DBNL: variants seen among roughly 807,000 people sequenced by gnomAD.
DBNL encodes drebrin-like protein.
DBNL carries 35 observed loss-of-function variants against 62.2 expected under a neutral mutation model. The ratio of observed to expected loss-of-function variants is 0.56; its 90% CI spans 0.43 to 0.75. DBNL has a LOEUF of 0.75. DBNL is among the 30% of genes least tolerant of loss of function. The pLI is 0.00. For missense variants in DBNL, 495 were observed against 578.4 expected (o/e 0.86, Z 1.48); for synonymous variants, 197 against 218.0 (o/e 0.90, Z 0.85).
intron 4 of DBNL, among the ~76,000 whole-genome samples, chr7:44,054,166 T>G (rs2096131818): frequency 6.6e-6 from 1 of 152,126 alleles, no homozygotes; most frequent in African/African-American, 2.4e-5. Flanking sequence ...CATTCTTTTA[T>G]CAGAGTTTTT....
chr7:44,062,725 G>C lies in DBNL; in HGVS notation c.*1809G>C. On this transcript the variant is annotated 3_prime_UTR_variant, in exon 13 of 13. Transcript: ENST00000448521. Reference sequence around the variant, plus strand: ...CATGCACGGCTGCGCTGGACTCCAGGCTGTTGGGGGAGGTGCCTTTATTGC... The same window carrying C: ...CATGCACGGCTGCGCTGGACTCCAGCCTGTTGGGGGAGGTGCCTTTATTGC... 6.2e-7 allele frequency: 1 copy of C among 1,608,894 alleles called. No individual in the cohort carries two copies. Among genetic ancestry groups the C allele is most frequent in the Non-Finnish European group, 8.5e-7 (1 of 1,176,398 alleles).
chr7:44,058,623 A>G (rs897436084), intron 8 of DBNL, 143 bp downstream of exon 8: 25 of 1,162,556 alleles, frequency 2.2e-5, no homozygotes, highest in South Asian at 1.5e-4. Flanking sequence ...GCACCTCAAG[A>G]GGTGGCAGTA....
chr7:44,044,892 G>A (rs1226561081), intron 1 of DBNL, 72 bp downstream of exon 1: 3 of 1,324,404 alleles, frequency 2.3e-6, no homozygotes, highest in Non-Finnish European at 2.9e-6. Context: ...GCGAGCGGGG[G>A]ACTCGGGGGG....
rs367590440 is a variant in DBNL at position 44,051,933 on chromosome 7, C to T, written c.243C>T (p.Leu81=). The part of the protein sequence containing the change: ...DPNSGLPKFV[L]INWTGEGVND... Reference sequence around the variant, plus strand: ...ACTCTGGACTGCCCAAATTTGTCCTCATCAACTGGGTATGTGGAGCCTGTT... The same window carrying T: ...ACTCTGGACTGCCCAAATTTGTCCTTATCAACTGGGTATGTGGAGCCTGTT... Residue 81 remains leucine, a synonymous_variant, in exon 3 of 13, where the codon CTC becomes CTT. Coordinates refer to ENST00000448521, the MANE Select transcript of DBNL (RefSeq NM_001014436.3). 6.2e-7 allele frequency: 1 copy of T among 1,614,026 alleles called. No homozygotes were observed. Among genetic ancestry groups the T allele is most frequent in the African/African-American group, 1.3e-5 (1 of 74,934 alleles).
At position 44,060,162 on chromosome 7, in the gene DBNL, C is replaced by A. The variant is rs149938474; in HGVS notation, c.1153+9C>A. On this transcript the variant is annotated intron_variant, in intron 12 of 12. Transcript: ENST00000448521. The surrounding 1 kb of genome is among the most constrained non-coding windows in gnomAD (Gnocchi z 6.3). ...GTACGACTACCAGGCAGGTAAGGTG[C>A]CCTGGCCTGGCTGGCACAGACCACA... 1.5e-5 allele frequency: 24 copies of A among 1,605,662 alleles called. No individual in the cohort carries two copies. In the Admixed American group the frequency reaches 1.5e-4, roughly 10 times the overall value.
In DBNL at chr7:44,058,181, A is replaced by C. The variant is rs2096140198; in HGVS notation, c.605A>C (p.Gln202Pro). ...LEEKRRAEEA[Q>P]RQLEQERRER... ...GAAAAGCGGCGGGCCGAGGAGGCAC[A>C]GCGGCAGCTGGAGCAGGAGCGCCGG... is the stretch of plus-strand genomic sequence containing the variant. The change falls in exon 7 of 13, where the codon CAG (glutamine) becomes CCG (proline). Residue 202 changes from glutamine (Q) to proline (P), a missense_variant. By Grantham distance (76) the Gln-to-Pro change is moderately conservative. Transcript: ENST00000448521. 4 of 1,556,844 alleles carry C rather than the reference A, an allele frequency of 2.6e-6. No individual in the cohort carries two copies. Among genetic ancestry groups the C allele is most frequent in the Non-Finnish European group, 3.5e-6 (4 of 1,150,924 alleles).
chr7:44,048,639 G>A (rs529094755), intron 1 of DBNL, among the ~76,000 whole-genome samples: 5 of 152,328 alleles, frequency 3.3e-5, no homozygotes, highest in African/African-American at 4.8e-5. Context: ...GTTCCTGTCC[G>A]ACTGTTTATC....
intron 4 of DBNL, 27 bp downstream of exon 4, chr7:44,052,968 T>C (rs765927260): frequency 1.2e-6 from 2 of 1,606,012 alleles, no homozygotes; most frequent in South Asian, 2.2e-5. Flanking sequence ...CCCGCTTCAC[T>C]GGGAACAGGC....
In DBNL at chr7:44,051,869, G is replaced by A. The variant is rs1308913935; in HGVS notation, c.179G>A (p.Gly60Glu). 1.2e-6 allele frequency: 2 copies of A among 1,614,138 alleles called. No homozygotes were observed. Among genetic ancestry groups the A allele is most frequent in the Non-Finnish European group, 1.7e-6 (2 of 1,180,032 alleles). The change falls in exon 3 of 13, where the codon GGG becomes GAG. Residue 60 changes from glycine (G) to glutamate (E), a missense_variant. By Grantham distance (98) the Gly-to-Glu change is moderately conservative. Transcript: ENST00000448521. Reference sequence around the variant, plus strand: ...GAGATGGTGGAGGAGCTCAACAGCGGGAAGGTGATGTACGCCTTCTGCAGA... The same window carrying A: ...GAGATGGTGGAGGAGCTCAACAGCGAGAAGGTGATGTACGCCTTCTGCAGA... ...LEEMVEELNS[G>E]KVMYAFCRVK... is the part of the protein sequence containing the mutation.
intron 4 of DBNL, among the ~76,000 whole-genome samples, chr7:44,055,913 G>A (rs1200002475): frequency 6.6e-6 from 1 of 152,134 alleles, no homozygotes; most frequent in Non-Finnish European, 1.5e-5. Flanking sequence ...CTTTTAGCTT[G>A]ATGTAGTCCA....
At chr7:44,047,702 T>C (rs2096119812) in intron 1 of DBNL, among the ~76,000 whole-genome samples, 1 of 152,180 alleles carries the variant, frequency 6.6e-6, no homozygotes, top group African/African-American at 2.4e-5. Context: ...TGACACTCCA[T>C]ATGCCTTGCT....
intron 1 of DBNL, among the ~76,000 whole-genome samples, chr7:44,048,580 C>A (rs2096121264): frequency 6.6e-6 from 1 of 152,242 alleles, no homozygotes; most frequent in East Asian, 1.9e-4. Context: ...AGTATCTCTG[C>A]CCAGTGGCAC....
In DBNL at chr7:44,065,684, G is replaced by T. The variant is rs1045985198; in HGVS notation, c.*4768G>T. The T allele has an allele frequency of 4.4e-5, 32 of 723,394 alleles. No individual in the cohort carries two copies. In the East Asian group the frequency reaches 7.6e-4, roughly 17 times the overall value. The allele number at this position is 723,394 out of a possible 1,614,324, so 44.8% of individuals were successfully genotyped here. ...AGGTGACCAGTAGCTGAGCTGCTGG[G>T]GGCTGGGGGCCAGGGGAGTGTGCAG... On this transcript the variant is annotated 3_prime_UTR_variant, in exon 13 of 13. Transcript: ENST00000448521.
At position 44,044,769 on chromosome 7, in the gene DBNL, C is replaced by T. The variant is rs771491870; in HGVS notation, c.32C>T (p.Ala11Val). MAANLSRNGP[A>V]LQEAYVRVVT... ...GCGAACCTGAGCCGGAACGGGCCAGCGCTGCAAGAGGCCTACGTGCGGGTG... is the reference window on the plus strand; with the variant it reads ...GCGAACCTGAGCCGGAACGGGCCAGTGCTGCAAGAGGCCTACGTGCGGGTG... Residue 11 changes from alanine to valine, a missense_variant, in exon 1 of 13, where the codon GCG (alanine) becomes GTG (valine). Ala to Val is a moderately conservative substitution (Grantham distance 64, BLOSUM62 0). Coordinates refer to ENST00000448521, the MANE Select transcript of DBNL (RefSeq NM_001014436.3). 6 of 1,507,368 alleles carry T rather than the reference C, an allele frequency of 4.0e-6. No homozygotes were observed. The Admixed American group carries it at 6.5e-5, about 16-fold the overall frequency. The allele number at this position is 1,507,368 out of a possible 1,614,324, so 93.4% of individuals were successfully genotyped here.
At chr7:44,046,968 G>A (rs1333876249) in intron 1 of DBNL, among the ~76,000 whole-genome samples, 2 of 152,176 alleles carry the variant, frequency 1.3e-5, no homozygotes, top group Non-Finnish European at 2.9e-5. Context: ...CCTCTTCAGA[G>A]TCCTTGCTCT....
rs2096154460 is a variant in DBNL, at chr7:44,064,095, T to C, written c.*3179T>C. ...AGCCTTTCCAGGACTCAACAAGCTT[T>C]AAGGTCATTCAGATGCTAATTTAGA... is the stretch of plus-strand genomic sequence containing the variant. On this transcript the variant is annotated 3_prime_UTR_variant, in exon 13 of 13. Coordinates refer to ENST00000448521, the MANE Select transcript of DBNL (RefSeq NM_001014436.3). 1 of 152,882 alleles carries C rather than the reference T, an allele frequency of 6.5e-6. No individual in the cohort carries two copies. Among genetic ancestry groups the C allele is most frequent in the Admixed American group, 6.5e-5 (1 of 15,334 alleles). 9.5% of individuals were successfully genotyped at this position (152,882 alleles called of 1,614,324 possible).
chr7:44,064,534 G>A lies in DBNL; in HGVS notation c.*3618G>A. The A allele has an allele frequency of 2.2e-6, 1 of 458,768 alleles. No individual in the cohort carries two copies. Among genetic ancestry groups the A allele is most frequent in the Non-Finnish European group, 4.0e-6 (1 of 247,906 alleles). The allele number at this position is 458,768 out of a possible 1,614,324, so 28.4% of individuals were successfully genotyped here. A position where few individuals can be genotyped will look rare whatever the true frequency, so the allele number is the denominator to read the frequency against. On this transcript the variant is annotated 3_prime_UTR_variant, in exon 13 of 13. Transcript: ENST00000448521. ...TTTGGAGCCAGATGCTCTAAGCCCAGCCCTTCCGTTTCCTAGCTGGGTGTC... is the reference window on the plus strand; with the variant it reads ...TTTGGAGCCAGATGCTCTAAGCCCAACCCTTCCGTTTCCTAGCTGGGTGTC...
Position 44,060,948 on chromosome 7 carries a change from A to T in DBNL, c.*32A>T. The T allele has an allele frequency of 1.9e-6, 3 of 1,603,852 alleles. No homozygotes were observed. Among genetic ancestry groups the T allele is most frequent in the Non-Finnish European group, 2.6e-6 (3 of 1,174,044 alleles). On this transcript the variant is annotated 3_prime_UTR_variant, in exon 13 of 13. Coordinates refer to ENST00000448521, the MANE Select transcript of DBNL (RefSeq NM_001014436.3). The surrounding 1 kb of genome is among the most constrained non-coding windows in gnomAD (Gnocchi z 6.3). Reference sequence around the variant, plus strand: ...GGGCACATCTTGCCCTTCCCCTCTCAGACATGGCTTCCTTATTGCTGGAAG... The same window carrying T: ...GGGCACATCTTGCCCTTCCCCTCTCTGACATGGCTTCCTTATTGCTGGAAG...
In DBNL at chr7:44,065,931, TCAGA is replaced by T. The variant is rs1201529196; in HGVS notation, c.*5020_*5023del. 10 of 338,524 alleles carry T rather than the reference TCAGA, an allele frequency of 3.0e-5. No homozygotes were observed. Among genetic ancestry groups the T allele is most frequent in the East Asian group, 7.2e-5 (1 of 13,966 alleles). The allele number at this position is 338,524 out of a possible 1,614,324, so 21.0% of individuals were successfully genotyped here. A position where few individuals can be genotyped will look rare whatever the true frequency, so the allele number is the denominator to read the frequency against. On this transcript the variant is annotated 3_prime_UTR_variant, in exon 13 of 13. Coordinates refer to ENST00000448521, the MANE Select transcript of DBNL (RefSeq NM_001014436.3). The stretch of plus-strand genomic sequence containing the variant: ...CAGTGGCCTATCAGCCATTCTCTGC[TCAGA>T]CAGAGGCACAAACAAAATCCCAACC...
Sources: allele counts gnomAD v4.1 joint callset (sites outside exome capture counted in the v4.1 genomes callset), GRCh38; gene constraint gnomAD v4.1.1; non-coding constraint Gnocchi (gnomAD v3.1); transcripts MANE v1.5; gene names NCBI Gene and HGNC (gene_info 2026-07-23, HGNC 2026-07-21).